MAGEC3: variants seen among roughly 807,000 people sequenced by gnomAD.
MAGEC3 encodes MAGE family member C3, also known as melanoma-associated antigen C3.
A neutral mutation model predicts 35.3 loss-of-function variants in MAGEC3; 34 were observed. The observed-to-expected ratio is 0.96, with a 90% CI of 0.73 to 1.28. MAGEC3 has a LOEUF of 1.28. Ranked by LOEUF, MAGEC3 falls within the 50% of genes most tolerant of loss-of-function variation. The pLI is 0.00. For missense variants in MAGEC3, 561 were observed against 483.6 expected (o/e 1.16, Z -1.50); for synonymous variants, 202 against 185.6 (o/e 1.09, Z -0.72).
At chrX:141,888,389 G>A (rs1001679470) in intron 4 of MAGEC3, among the ~76,000 whole-genome samples, 1 of 112,358 alleles carries the variant, frequency 8.9e-6, no homozygotes, top group African/African-American at 3.2e-5. Flanking sequence ...CCAGATGTGC[G>A]ATGATATACT....
chrX:141,864,113 A>G (rs2017832700), intron 1 of MAGEC3, among the ~76,000 whole-genome samples: 1 of 110,437 alleles, frequency 9.1e-6, no homozygotes, highest in Non-Finnish European at 1.9e-5. Flanking sequence ...TTGTTAATCC[A>G]TTCACTTACA....
chrX:141,867,903 A>C (rs986900003), intron 2 of MAGEC3, among the ~76,000 whole-genome samples: 1 of 112,195 alleles, frequency 8.9e-6, no homozygotes, highest in Non-Finnish European at 1.9e-5. Context: ...CGGGCGGATC[A>C]TGAGGTCAGG....
chrX:141,891,365 G>GTT lies in MAGEC3; in HGVS notation c.910-3903_910-3902insTT, dbSNP rs768383360. ...TTCTATGCACAAAAATAAACTTGTT[G>GTT]TGTTAAATCATTTAAATTTCAGGAA... On this transcript the variant is annotated intron_variant, in intron 4 of 7. Transcript: ENST00000298296. 1.3e-4 allele frequency among the ~76,000 whole-genome samples: 14 copies of GTT among 111,425 alleles called. No homozygotes were observed. The East Asian group carries it at 3.9e-3, about 31-fold the overall frequency.
intron 1 of MAGEC3, among the ~76,000 whole-genome samples, chrX:141,844,835 C>G (rs5954448): frequency 0.024 from 2,637 of 110,592 alleles, 73 homozygotes; most frequent in African/African-American, 0.082. Context: ...ATGATTCAGC[C>G]TTCTAGGAAA....
intron 7 of MAGEC3, 28 bp downstream of exon 7, chrX:141,897,514 TATG>T (rs768015016): frequency 2.5e-6 from 3 of 1,195,342 alleles, no homozygotes; most frequent in Admixed American, 2.3e-5. Flanking sequence ...GCACTTTATA[TATG>T]GGGATCCCAG....
At chrX:141,876,459 C>T (rs1306163689) in intron 2 of MAGEC3, among the ~76,000 whole-genome samples, 1 of 111,695 alleles carries the variant, frequency 9.0e-6, no homozygotes, top group East Asian at 2.8e-4. Flanking sequence ...GCAGAAGTAG[C>T]TGCTATTTCC....
rs751107619 is a variant in MAGEC3 at position 141,850,553 on chromosome X, A to G, written c.123+12115A>G. Among the ~76,000 whole-genome samples, 26 of 110,960 alleles carry G rather than the reference A, an allele frequency of 2.3e-4. No homozygotes were observed. In the South Asian group the frequency reaches 9.8e-3, roughly 42 times the overall value. On this transcript the variant is annotated intron_variant, in intron 1 of 7. Transcript: ENST00000298296. The stretch of plus-strand genomic sequence containing the variant: ...ATATTTATTCTATTAAGGCCCTTCC[A>G]TGGTTCAACAATACCCCCACACATT...
chrX:141,885,754 C>T (rs1375115583), intron 4 of MAGEC3, among the ~76,000 whole-genome samples: 1 of 106,068 alleles, frequency 9.4e-6, no homozygotes, highest in Non-Finnish European at 1.9e-5. Flanking sequence ...TGTGAGTAAT[C>T]TGGAAATGCC....
intron 1 of MAGEC3, among the ~76,000 whole-genome samples, chrX:141,857,016 A>G (rs1242256120): frequency 9.0e-6 from 1 of 111,652 alleles, no homozygotes; most frequent in Admixed American, 9.5e-5. Flanking sequence ...CATGAGAGCC[A>G]TGGACTCACT....
intron 2 of MAGEC3, among the ~76,000 whole-genome samples, chrX:141,877,516 C>A (rs1449391025): frequency 9.0e-6 from 1 of 111,651 alleles, no homozygotes; most frequent in Non-Finnish European, 1.9e-5. Flanking sequence ...GTTTTGGATT[C>A]TTTTCATGCA....
chrX:141,857,071 G>A (rs1019275433), intron 1 of MAGEC3, among the ~76,000 whole-genome samples: 1 of 111,088 alleles, frequency 9.0e-6, no homozygotes, highest in Admixed American at 9.6e-5. Flanking sequence ...AGTATATTCA[G>A]TAAAATCTGC....
chrX:141,855,640 T>C lies in MAGEC3; in HGVS notation c.124-9831T>C, dbSNP rs1454298372. 2.7e-5 allele frequency among the ~76,000 whole-genome samples: 3 copies of C among 111,696 alleles called. No homozygotes were observed. In the Admixed American group the frequency reaches 2.9e-4, roughly 11 times the overall value. ...CAATATATCCTGCGACTCAGAATCT[T>C]AAGAAGGTTCCATTTTTAACCACGT... On this transcript the variant is annotated intron_variant, in intron 1 of 7. Coordinates refer to ENST00000298296, the MANE Select transcript of MAGEC3 (RefSeq NM_138702.1).
intron 1 of MAGEC3, among the ~76,000 whole-genome samples, chrX:141,846,011 A>G (rs1217675333): frequency 9.0e-6 from 1 of 110,814 alleles, no homozygotes; most frequent in African/African-American, 3.3e-5. Flanking sequence ...TATATTGAAA[A>G]TGTATTATGT....
intron 2 of MAGEC3, among the ~76,000 whole-genome samples, chrX:141,873,132 A>G (rs935209397): frequency 9.9e-5 from 11 of 111,584 alleles, no homozygotes; most frequent in Non-Finnish European, 1.9e-5. Context: ...GGTGAGAGGC[A>G]CTCTTTCTTA....
chrX:141,881,891 T>A, intron 4 of MAGEC3, 95 bp downstream of exon 4: 2 of 1,028,491 alleles, frequency 1.9e-6, no homozygotes, highest in Non-Finnish European at 2.7e-6. Flanking sequence ...TAGCGACATG[T>A]GCCCAGTAGT....
chrX:141,886,775 G>A (rs1433512229), intron 4 of MAGEC3, among the ~76,000 whole-genome samples: 1 of 111,372 alleles, frequency 9.0e-6, no homozygotes, highest in East Asian at 2.8e-4. Flanking sequence ...ATTATGAAGG[G>A]AAAGGCTATT....
chrX:141,847,772 A>G (rs1018032103), intron 1 of MAGEC3, among the ~76,000 whole-genome samples: 2 of 111,441 alleles, frequency 1.8e-5, no homozygotes, highest in African/African-American at 6.5e-5. Flanking sequence ...GAAAGATCTT[A>G]AGTAAATTAA....
Position 141,895,875 on chromosome X carries a change from C to A in MAGEC3, c.1123+316C>A, listed in dbSNP as rs750987300. On this transcript the variant is annotated intron_variant, in intron 6 of 7. Transcript: ENST00000298296. ...TAAGAGTGAGGACGGAGAGGTCCCA[C>A]GTGCATCAGAACAGACGTGAGGCCA... Among the ~76,000 whole-genome samples the A allele has an allele frequency of 3.6e-5, 4 of 111,121 alleles. No individual in the cohort carries two copies. In the Admixed American group the frequency reaches 3.8e-4, roughly 11 times the overall value.
chrX:141,843,427 C>T (rs2017697686), intron 1 of MAGEC3, among the ~76,000 whole-genome samples: 1 of 111,626 alleles, frequency 9.0e-6, no homozygotes, highest in Non-Finnish European at 1.9e-5. Flanking sequence ...TGGCTAGCTA[C>T]ATATTTTTGT....
Sources: allele counts gnomAD v4.1 joint callset (sites outside exome capture counted in the v4.1 genomes callset), GRCh38; gene constraint gnomAD v4.1.1; transcripts MANE v1.5; gene names NCBI Gene and HGNC (gene_info 2026-07-23, HGNC 2026-07-21).